Variants in BMPER observed in about 807,000 individuals in gnomAD.
BMPER encodes BMP binding endothelial regulator.
BMPER carries 45 observed loss-of-function variants against 87.3 expected under a neutral mutation model. The ratio of observed to expected loss-of-function variants is 0.52; its 90% CI spans 0.41 to 0.66. BMPER has a LOEUF of 0.66. BMPER is among the 30% of genes least tolerant of loss of function. BMPER has a pLI of 0.00. For missense variants in BMPER, 784 were observed against 867.5 expected (o/e 0.90, Z 1.21); for synonymous variants, 326 against 316.2 (o/e 1.03, Z -0.33).
intron 3 of BMPER, among the ~76,000 whole-genome samples, chr7:33,949,690 A>T (rs1265686597): frequency 6.6e-6 from 1 of 152,094 alleles, no homozygotes; most frequent in Non-Finnish European, 1.5e-5. Flanking sequence ...GCTTGCATAG[A>T]TGTTTTAACC....
intron 2 of BMPER, among the ~76,000 whole-genome samples, chr7:33,935,352 A>G (rs944589541): frequency 1.8e-4 from 28 of 152,144 alleles, no homozygotes; most frequent in African/African-American, 6.8e-4. Flanking sequence ...TCTCAACCCT[A>G]GCTGAACATT....
At chr7:33,916,782 A>G (rs1253361708) in intron 2 of BMPER, among the ~76,000 whole-genome samples, 1 of 152,222 alleles carries the variant, frequency 6.6e-6, no homozygotes, top group East Asian at 1.9e-4. Flanking sequence ...AGCTTCAGCA[A>G]GAGGTCCACA....
At chr7:33,988,250 C>T (rs1786070208) in intron 6 of BMPER, among the ~76,000 whole-genome samples, 2 of 152,070 alleles carry the variant, frequency 1.3e-5, no homozygotes, top group South Asian at 2.1e-4. Flanking sequence ...AGGAGTGACT[C>T]TTTTTTGACA....
chr7:34,031,063 G>A (rs762003194), intron 6 of BMPER, among the ~76,000 whole-genome samples: 18 of 152,066 alleles, frequency 1.2e-4, no homozygotes, highest in African/African-American at 4.8e-5. Flanking sequence ...CTGGGAATAC[G>A]ACAATTAGCT....
chr7:34,119,014 T>TCTCTCTCTCTCACA lies in BMPER; in HGVS notation c.1746-24215_1746-24214insTCTCTCTCTCACAC, dbSNP rs66493349. On this transcript the variant is annotated intron_variant, in intron 13 of 14. Coordinates refer to ENST00000649409, the MANE Select transcript of BMPER (RefSeq NM_001365308.1). ...CTCTCACTGTCTCTCTCTCTCTCTCTCACACACACACACACACACACACGC... is the reference window on the plus strand; with the variant it reads ...CTCTCACTGTCTCTCTCTCTCTCTCTCTCTCTCTCTCACACACACACACACACACACACACACGC... 3.6e-3 allele frequency among the ~76,000 whole-genome samples: 484 copies of TCTCTCTCTCTCACA among 135,778 alleles called. 2 individuals are homozygous for TCTCTCTCTCTCACA. The highest frequency in any genetic ancestry group is 0.011 in the African/African-American group (426 of 37,984). 89.1% of individuals were successfully genotyped at this position (135,778 alleles called of 152,430 possible). A position where few individuals can be genotyped will look rare whatever the true frequency, so the allele number is the denominator to read the frequency against.
chr7:33,947,431 G>C (rs184891132), intron 3 of BMPER, among the ~76,000 whole-genome samples: 110 of 151,962 alleles, frequency 7.2e-4, no homozygotes, highest in African/African-American at 2.6e-3. Context: ...TGTCAAGTGG[G>C]GTTTATTTTC....
chr7:34,058,594 C>T (rs756115219), intron 10 of BMPER, among the ~76,000 whole-genome samples: 1 of 152,228 alleles, frequency 6.6e-6, no homozygotes, highest in Non-Finnish European at 1.5e-5. Context: ...TTTCTCCTGC[C>T]TCACGGCATC....
At chr7:34,025,720 C>T (rs1787341196) in intron 6 of BMPER, among the ~76,000 whole-genome samples, 1 of 151,972 alleles carries the variant, frequency 6.6e-6, no homozygotes, top group African/African-American at 2.4e-5. Context: ...GCACTTAGTA[C>T]TCATTGCAGG....
Position 34,079,127 on chromosome 7 carries a change from G to T in BMPER, c.1349G>T (p.Arg450Leu). The change falls in exon 12 of 15, where the codon CGC becomes CTC. Residue 450 changes from arginine to leucine, a missense_variant. By Grantham distance (102) the Arg-to-Leu change is moderately radical (BLOSUM62 -2). Transcript: ENST00000649409. ...GGCTCGCGCATCGCGCTCCCCTGCC[G>T]CGCGCCACACTTCCACATCGACCTG... is the stretch of plus-strand genomic sequence containing the variant. ...WNGSRIALPCRAPHFHIDLDG... is the reference protein window; with the variant it reads ...WNGSRIALPCLAPHFHIDLDG... 1.2e-6 allele frequency: 2 copies of T among 1,613,814 alleles called. No homozygotes were observed. The highest frequency in any genetic ancestry group is 2.7e-5 in the African/African-American group (2 of 75,052).
chr7:33,979,444 C>T (rs1785785351), intron 6 of BMPER, among the ~76,000 whole-genome samples: 1 of 151,906 alleles, frequency 6.6e-6, no homozygotes, highest in South Asian at 2.1e-4. Context: ...GCTATAGCTT[C>T]CCTGCCATCT....
chr7:34,118,605 A>C (rs1391489625), intron 13 of BMPER, among the ~76,000 whole-genome samples: 1 of 152,214 alleles, frequency 6.6e-6, no homozygotes, highest in Non-Finnish European at 1.5e-5. Context: ...ACGGTGGATG[A>C]ATGAATAGCA....
intron 6 of BMPER, among the ~76,000 whole-genome samples, chr7:34,043,558 C>T (rs1028215676): frequency 2.0e-5 from 3 of 152,102 alleles, no homozygotes; most frequent in Admixed American, 6.5e-5. Flanking sequence ...ATTATATTGG[C>T]TTTTAGCTCG....
At position 34,000,104 on chromosome 7, in the gene BMPER, T is replaced by A. The variant is rs962043629; in HGVS notation, c.576+25320T>A. On this transcript the variant is annotated intron_variant, in intron 6 of 14. Transcript: ENST00000649409. Reference sequence around the variant, plus strand: ...AACAAACTCATGCATCACGTAATAATCACATGTCGAGTGCACAGGCTGGAG... The same window carrying A: ...AACAAACTCATGCATCACGTAATAAACACATGTCGAGTGCACAGGCTGGAG... Among the ~76,000 whole-genome samples the A allele has an allele frequency of 9.2e-5, 14 of 152,300 alleles. No homozygotes were observed. The East Asian group carries it at 1.2e-3, about 13-fold the overall frequency.
Position 33,905,763 on chromosome 7 carries a change from G to C in BMPER, c.133+17G>C. ...TCTTGACAGGTAGGGGAGGGGGCGG[G>C]AGGGACCGGCCCTCCGGGACGCCGG... On this transcript the variant is annotated intron_variant, in intron 1 of 14. Transcript: ENST00000649409. 1 of 1,561,542 alleles carries C rather than the reference G, an allele frequency of 6.4e-7. No individual in the cohort carries two copies. Among genetic ancestry groups the C allele is most frequent in the Non-Finnish European group, 8.8e-7 (1 of 1,137,330 alleles).
intron 6 of BMPER, among the ~76,000 whole-genome samples, chr7:33,996,641 C>G (rs1786419817): frequency 6.6e-6 from 1 of 152,186 alleles, no homozygotes; most frequent in Admixed American, 6.5e-5. Flanking sequence ...TAATCTTGCA[C>G]TGTCTGGTAG....
Position 34,010,068 on chromosome 7 carries a change from C to A in BMPER, c.576+35284C>A, listed in dbSNP as rs117010256. Among the ~76,000 whole-genome samples, 811 of 151,996 alleles carry A rather than the reference C, an allele frequency of 5.3e-3. 5 individuals carry two copies. The highest frequency in any genetic ancestry group is 8.9e-3 in the Non-Finnish European group (603 of 67,884). On this transcript the variant is annotated intron_variant, in intron 6 of 14. Transcript: ENST00000649409. ...CAAATACTTTTATTTATCCACTATC[C>A]CTCATACATCTTATAAACCACACTC...
intron 12 of BMPER, among the ~76,000 whole-genome samples, chr7:34,079,492 ACTCTCCACATAACCC>A (rs1788956114): frequency 6.6e-6 from 1 of 151,980 alleles, no homozygotes; most frequent in Admixed American, 6.6e-5. Context: ...TAGCAGTTGT[ACTCTCCACATAACCC>A]CTCTCTCAAG....
chr7:34,138,005 A>G (rs949210016), intron 13 of BMPER, among the ~76,000 whole-genome samples: 8 of 152,120 alleles, frequency 5.3e-5, no homozygotes, highest in East Asian at 1.9e-4. Context: ...ATCTAATAGC[A>G]CTCTCTTCAG....
chr7:33,968,121 G>A (rs915006788), intron 4 of BMPER, among the ~76,000 whole-genome samples: 2 of 152,180 alleles, frequency 1.3e-5, no homozygotes, highest in Admixed American at 1.3e-4. Context: ...TTAAAGTCCA[G>A]CAGCCTTGGG....
Sources: gnomAD v4.1 joint callset for allele counts (sites outside exome capture counted in the v4.1 genomes callset) on GRCh38, gnomAD v4.1.1 for gene constraint, MANE v1.5 for transcripts, NCBI Gene and HGNC (gene_info 2026-07-23, HGNC 2026-07-21) for gene names.